CCDC3: variants seen among roughly 807,000 people sequenced by gnomAD.
CCDC3 encodes the protein coiled-coil domain-containing protein 3.
In CCDC3, 24 loss-of-function variants were observed where a neutral mutation model predicts 21.4. That is an observed-to-expected ratio of 1.12 (90% CI 0.81 to 1.58). The LOEUF (loss-of-function observed/expected upper bound fraction) is 1.58, where lower values mean the gene tolerates loss of function less well. CCDC3 is among the 40% of genes most tolerant of loss of function. The pLI is 0.00. For missense variants in CCDC3, 425 were observed against 360.9 expected (o/e 1.18, Z -1.44); for synonymous variants, 186 against 166.0 (o/e 1.12, Z -0.93).
intron 3 of CCDC3, among the ~76,000 whole-genome samples, chr10:13,075,875 T>G (rs186804425): frequency 1.3e-3 from 204 of 151,992 alleles, no homozygotes; most frequent in African/African-American, 4.8e-3. Context: ...ATGGCTAAAC[T>G]CTGTCTCTAC....
intron 4 of CCDC3, among the ~76,000 whole-genome samples, chr10:13,069,693 A>G (rs1836861369): frequency 6.6e-6 from 1 of 152,204 alleles, no homozygotes. Context: ...ATGATGTTTA[A>G]TCTTCAGGTT....
chr10:12,968,910 TA>T (rs1416176482), intron 2 of CCDC3, among the ~76,000 whole-genome samples: 1 of 152,124 alleles, frequency 6.6e-6, no homozygotes, highest in Non-Finnish European at 1.5e-5. Flanking sequence ...GAAAATCATC[TA>T]ATCATAAAGA....
chr10:12,898,314 C>T lies in CCDC3; in HGVS notation c.*102G>A. On this transcript the variant is annotated 3_prime_UTR_variant, in exon 3 of 3. Coordinates refer to ENST00000378825, the MANE Select transcript of CCDC3 (RefSeq NM_031455.4). Reference sequence around the variant, plus strand: ...ACTCTACCAAATGCGTGATTAAAAACAAAAACTCTTACAACCCTTGAAATA... The same window carrying T: ...ACTCTACCAAATGCGTGATTAAAAATAAAAACTCTTACAACCCTTGAAATA... 7.7e-7 allele frequency: 1 copy of T among 1,294,120 alleles called. No individual in the cohort carries two copies. Among genetic ancestry groups the T allele is most frequent in the East Asian group, 2.5e-5 (1 of 40,116 alleles). The allele number at this position is 1,294,120 out of a possible 1,614,324, so 80.2% of individuals were successfully genotyped here.
At chr10:12,987,170 C>T (rs1392360100) in intron 2 of CCDC3, among the ~76,000 whole-genome samples, 1 of 152,212 alleles carries the variant, frequency 6.6e-6, no homozygotes, top group Non-Finnish European at 1.5e-5. Flanking sequence ...CGTCTCTCAC[C>T]TCCACCAAAT....
In CCDC3 at chr10:12,897,711, T is replaced by A. The variant is rs1388968597; in HGVS notation, c.*705A>T. On this transcript the variant is annotated 3_prime_UTR_variant, in exon 3 of 3. Transcript: ENST00000378825. ...CAGGCCGATCAAGGCAGTTGCCCCC[T>A]GTGTTAACGCGACCCATAGGTATCA... 2 of 151,982 alleles carry A rather than the reference T, an allele frequency of 1.3e-5. No homozygotes were observed. Among genetic ancestry groups the A allele is most frequent in the Non-Finnish European group, 2.9e-5 (2 of 68,052 alleles). The allele number at this position is 151,982 out of a possible 1,614,324, so 9.4% of individuals were successfully genotyped here.
chr10:13,026,679 T>C (rs1376463542), intron 5 of CCDC3, among the ~76,000 whole-genome samples: 1 of 152,232 alleles, frequency 6.6e-6, no homozygotes, highest in African/African-American at 2.4e-5. Context: ...CAGGTAATTG[T>C]TTTTTAAAGA....
intron 4 of CCDC3, among the ~76,000 whole-genome samples, chr10:13,051,528 C>T (rs1648290708): frequency 6.6e-6 from 1 of 152,196 alleles, no homozygotes; most frequent in African/African-American, 2.4e-5. Context: ...GGTATGATGG[C>T]AGCTGTCACT....
upstream of CCDC3, among the ~76,000 whole-genome samples, chr10:13,002,418 A>G (rs908678696): frequency 1.3e-5 from 2 of 152,082 alleles, no homozygotes; most frequent in Non-Finnish European, 2.9e-5. Flanking sequence ...GACAAGGTCT[A>G]TATCTGTCAC....
intron 2 of CCDC3, among the ~76,000 whole-genome samples, chr10:12,937,108 CT>C (rs61592955): frequency 0.13 from 18,867 of 148,768 alleles, 1,471 homozygotes; most frequent in Middle Eastern, 0.18. Flanking sequence ...TCCCTGTGGA[CT>C]TTTTTTTTTT....
intron 2 of CCDC3, among the ~76,000 whole-genome samples, chr10:12,910,950 T>G (rs147972421): frequency 6.6e-6 from 1 of 152,224 alleles, no homozygotes; most frequent in African/African-American, 2.4e-5. Context: ...CCCCAGTGCA[T>G]AGTTGCGGCC....
At chr10:13,062,769 G>A (rs111842479) in intron 4 of CCDC3, among the ~76,000 whole-genome samples, 4,572 of 152,168 alleles carry the variant, frequency 0.03, 240 homozygotes, top group African/African-American at 0.1. Context: ...TAGAAATTAC[G>A]GTTTAGGAGT....
intron 2 of CCDC3, among the ~76,000 whole-genome samples, chr10:12,993,293 G>C (rs754204000): frequency 6.6e-5 from 10 of 152,214 alleles, no homozygotes; most frequent in African/African-American, 9.6e-5. Context: ...CTATTTTATA[G>C]AAGGGAAAAC....
chr10:13,060,575 C>T (rs1836744320), intron 4 of CCDC3, among the ~76,000 whole-genome samples: 1 of 152,166 alleles, frequency 6.6e-6, no homozygotes, highest in Non-Finnish European at 1.5e-5. Context: ...TGCAATCATG[C>T]TTCACTGCAG....
chr10:13,095,942 A>G (rs1045257521), intron 3 of CCDC3, among the ~76,000 whole-genome samples: 1 of 152,150 alleles, frequency 6.6e-6, no homozygotes, highest in African/African-American at 2.4e-5. Flanking sequence ...AATTTCAGGC[A>G]ACTACTGGTC....
chr10:13,005,065 C>T (rs73583899), upstream of CCDC3, among the ~76,000 whole-genome samples: 1,306 of 152,216 alleles, frequency 8.6e-3, 17 homozygotes, highest in African/African-American at 0.029. Context: ...TAGCAACTGC[C>T]CACGAATCAG....
chr10:13,048,085 G>A (rs1371322880), intron 5 of CCDC3, among the ~76,000 whole-genome samples: 1 of 152,182 alleles, frequency 6.6e-6, no homozygotes, highest in African/African-American at 2.4e-5. Context: ...TATCTGCGGG[G>A]ATGTTTTGTA....
At chr10:13,035,097 GC>G (rs1298983374) in intron 5 of CCDC3, among the ~76,000 whole-genome samples, 1 of 151,480 alleles carries the variant, frequency 6.6e-6, no homozygotes, top group Non-Finnish European at 1.5e-5. Flanking sequence ...CCCCTACGAA[GC>G]CCAGTCCTGG....
chr10:13,093,606 A>C (rs915193407), intron 3 of CCDC3, among the ~76,000 whole-genome samples: 38 of 152,320 alleles, frequency 2.5e-4, no homozygotes, highest in African/African-American at 8.7e-4. Flanking sequence ...GAGAGAAGCT[A>C]AGAGGTTATC....
intron 5 of CCDC3, among the ~76,000 whole-genome samples, chr10:13,018,866 G>A (rs1315986343): frequency 6.6e-6 from 1 of 151,820 alleles, no homozygotes; most frequent in African/African-American, 2.4e-5. Flanking sequence ...AACCTGGGAG[G>A]TGGAGGTTTG....
Sources: gnomAD v4.1 joint callset for allele counts (sites outside exome capture counted in the v4.1 genomes callset) on GRCh38, gnomAD v4.1.1 for gene constraint, MANE v1.5 for transcripts, NCBI Gene and HGNC (gene_info 2026-07-23, HGNC 2026-07-21) for gene names.